RBFOX1: variants seen among roughly 807,000 people sequenced by gnomAD.
RBFOX1 encodes the protein RNA binding protein fox-1 homolog 1.
In RBFOX1, 8 loss-of-function variants were observed where a neutral mutation model predicts 57.7. That is an observed-to-expected ratio of 0.14 (90% CI 0.08 to 0.25). The LOEUF (loss-of-function observed/expected upper bound fraction) is 0.25. Ranked by LOEUF, RBFOX1 falls within the 10% of genes least tolerant of loss-of-function variation. RBFOX1 has a pLI of 1.00. For synonymous variants in RBFOX1, 326 were observed against 222.4 expected, an observed-to-expected ratio of 1.47 and a Z score of -4.15; for missense variants, 611 against 548.5, an observed-to-expected ratio of 1.11 and a Z score of -1.14.
intron 3 of RBFOX1, among the ~76,000 whole-genome samples, chr16:5,797,245 G>A (rs935171923): frequency 4.6e-5 from 7 of 152,150 alleles, no homozygotes; most frequent in African/African-American, 1.4e-4. Flanking sequence ...GATCTTTGAA[G>A]GTAAACTACA....
chr16:5,973,670 G>C (rs2060006930), intron 4 of RBFOX1, among the ~76,000 whole-genome samples: 1 of 152,198 alleles, frequency 6.6e-6, no homozygotes, highest in African/African-American at 2.4e-5. Flanking sequence ...TTTTGGATGA[G>C]ATTCACATTT....
intron 2 of RBFOX1, among the ~76,000 whole-genome samples, chr16:5,531,192 G>A (rs1182006637): frequency 6.6e-6 from 1 of 152,072 alleles, no homozygotes; most frequent in Non-Finnish European, 1.5e-5. Context: ...ATACTTTAGG[G>A]GATGCTCAGA....
chr16:7,653,962 C>T lies in RBFOX1; in HGVS notation c.890+15C>T, dbSNP rs764886194. 6.7e-7 allele frequency: 1 copy of T among 1,488,638 alleles called. No individual in the cohort carries two copies. 92.2% of individuals were successfully genotyped at this position (1,488,638 alleles called of 1,614,324 possible). On this transcript the variant is annotated intron_variant, in intron 12 of 15. Transcript: ENST00000550418. ...GCCTACGGCGGGTAAGTGGGGCAGCCTCCTGGGTGGGCCTCCCTGCACCAG... is the reference window on the plus strand; with the variant it reads ...GCCTACGGCGGGTAAGTGGGGCAGCTTCCTGGGTGGGCCTCCCTGCACCAG...
chr16:6,653,580 G>T (rs1448114033), intron 2 of RBFOX1, among the ~76,000 whole-genome samples: 2 of 152,152 alleles, frequency 1.3e-5, no homozygotes, highest in Admixed American at 6.6e-5. Flanking sequence ...TCATAGGTGT[G>T]CAATAAATAT....
chr16:5,414,440 C>G (rs1284915978), intron 1 of RBFOX1, among the ~76,000 whole-genome samples: 2 of 152,172 alleles, frequency 1.3e-5, no homozygotes, highest in Non-Finnish European at 2.9e-5. Flanking sequence ...GAGATTTATT[C>G]CCTCTAATCA....
chr16:6,089,885 T>C (rs2096145999), intron 1 of RBFOX1, among the ~76,000 whole-genome samples: 1 of 152,216 alleles, frequency 6.6e-6, no homozygotes. Flanking sequence ...TGTGTATTAG[T>C]TTCCCATGGC....
intron 1 of RBFOX1, among the ~76,000 whole-genome samples, chr16:5,433,106 G>A (rs2067804335): frequency 6.6e-6 from 1 of 152,170 alleles, no homozygotes; most frequent in African/African-American, 2.4e-5. Flanking sequence ...ACAACCCTGA[G>A]CTTCCACTGT....
chr16:6,162,177 G>A (rs1043752087), intron 1 of RBFOX1, among the ~76,000 whole-genome samples: 2 of 152,010 alleles, frequency 1.3e-5, no homozygotes, highest in Admixed American at 1.3e-4. Context: ...GAGTGCAGTG[G>A]TGTCATCTTG....
intron 3 of RBFOX1, among the ~76,000 whole-genome samples, chr16:5,615,701 C>T (rs1379433143): frequency 6.6e-6 from 1 of 152,172 alleles, no homozygotes; most frequent in Non-Finnish European, 1.5e-5. Context: ...AAGAAGGGGG[C>T]AGATCCACAT....
intron 4 of RBFOX1, among the ~76,000 whole-genome samples, chr16:7,491,114 G>C (rs777436244): frequency 6.6e-6 from 1 of 152,164 alleles, no homozygotes; most frequent in East Asian, 1.9e-4. Context: ...CTTAAATAAA[G>C]TCATCAGCCC....
At position 6,870,739 on chromosome 16, in the gene RBFOX1, A is replaced by G. The variant is rs999741264; in HGVS notation, c.-15-181318A>G. Among the ~76,000 whole-genome samples the G allele has an allele frequency of 5.2e-4, 79 of 151,750 alleles. 1 individual carries two copies. Among genetic ancestry groups the G allele is most frequent in the Non-Finnish European group, 2.6e-4 (18 of 67,940 alleles). On this transcript the variant is annotated intron_variant, in intron 3 of 15. Coordinates refer to ENST00000550418, the MANE Select transcript of RBFOX1 (RefSeq NM_018723.4). ...GTTGAATAATTATTTCACCACCAAA[A>G]CTCCTCCCCACCCCAGCCCCTCAAC...
chr16:6,922,225 G>A (rs981285090), intron 3 of RBFOX1, among the ~76,000 whole-genome samples: 1 of 152,094 alleles, frequency 6.6e-6, no homozygotes, highest in Non-Finnish European at 1.5e-5. Flanking sequence ...GAGGTCTGAG[G>A]CATTGGCATC....
intron 3 of RBFOX1, among the ~76,000 whole-genome samples, chr16:5,687,574 A>T (rs910550080): frequency 1.3e-5 from 2 of 152,208 alleles, no homozygotes; most frequent in African/African-American, 4.8e-5. Context: ...TTAAAGTTTC[A>T]GACTAAGTCT....
intron 2 of RBFOX1, among the ~76,000 whole-genome samples, chr16:6,547,644 A>G (rs2096914778): frequency 6.6e-6 from 1 of 152,138 alleles, no homozygotes; most frequent in South Asian, 2.1e-4. Context: ...AGACTTCTAG[A>G]AATATAGTAA....
At chr16:6,350,262 C>A (rs1207196454) in intron 2 of RBFOX1, among the ~76,000 whole-genome samples, 3 of 151,578 alleles carry the variant, frequency 2.0e-5, no homozygotes, top group Admixed American at 6.6e-5. Context: ...CATGGAGAAA[C>A]CCTGTCTCTA....
At chr16:7,389,269 G>T (rs2097946454) in intron 4 of RBFOX1, among the ~76,000 whole-genome samples, 1 of 152,062 alleles carries the variant, frequency 6.6e-6, no homozygotes, top group African/African-American at 2.4e-5. Flanking sequence ...GGCAGCACAG[G>T]TGTGTGTCAC....
intron 4 of RBFOX1, among the ~76,000 whole-genome samples, chr16:5,942,888 T>C (rs1035237530): frequency 1.3e-5 from 2 of 152,188 alleles, no homozygotes; most frequent in African/African-American, 4.8e-5. Context: ...GTGGTTGCCA[T>C]CTTTATTGTT....
intron 3 of RBFOX1, among the ~76,000 whole-genome samples, chr16:5,766,746 G>C (rs1485402445): frequency 6.6e-6 from 1 of 152,062 alleles, no homozygotes; most frequent in Non-Finnish European, 1.5e-5. Context: ...ATGAGATTTG[G>C]GTGGGGACAA....
At chr16:5,799,699 G>C (rs903077619) in intron 3 of RBFOX1, among the ~76,000 whole-genome samples, 8 of 152,110 alleles carry the variant, frequency 5.3e-5, no homozygotes, top group South Asian at 2.1e-4. Context: ...TGTTCGGTTG[G>C]TGAGGCATAT....
Sources: allele counts gnomAD v4.1 joint callset (sites outside exome capture counted in the v4.1 genomes callset), GRCh38; gene constraint gnomAD v4.1.1; transcripts MANE v1.5; gene names NCBI Gene and HGNC (gene_info 2026-07-23, HGNC 2026-07-21).